PRTFDC1: variants seen among roughly 807,000 people sequenced by gnomAD.
PRTFDC1 encodes phosphoribosyltransferase domain-containing protein 1.
A neutral mutation model predicts 34.6 loss-of-function variants in PRTFDC1; 38 were observed. That is an observed-to-expected ratio of 1.10 (90% CI 0.85 to 1.44). The LOEUF is 1.44. PRTFDC1 is among the 40% of genes most tolerant of loss of function. The probability of loss-of-function intolerance (pLI) is 0.00; values close to 1 mark genes in which losing one functional copy is unlikely to be tolerated. For synonymous variants in PRTFDC1, 93 were observed against 98.1 expected (o/e 0.95, Z 0.31); for missense variants, 270 against 283.0 (o/e 0.95, Z 0.33).
chr10:24,872,788 G>GTATATATATATATATA (rs1555045487), intron 3 of PRTFDC1, among the ~76,000 whole-genome samples: 16 of 83,216 alleles, frequency 1.9e-4, no homozygotes, highest in African/African-American at 7.2e-4. Context: ...GTGTGTGTGT[G>GTATATATATATATATA]TATATATATA....
chr10:24,950,152 G>C (rs1362294632), intron 1 of PRTFDC1, among the ~76,000 whole-genome samples: 2 of 152,056 alleles, frequency 1.3e-5, no homozygotes, highest in Non-Finnish European at 2.9e-5. Flanking sequence ...TCTCTCACTT[G>C]TTTTTTAGAC....
chr10:24,891,777 A>G (rs149509054), intron 3 of PRTFDC1, among the ~76,000 whole-genome samples: 59 of 152,300 alleles, frequency 3.9e-4, no homozygotes, highest in African/African-American at 1.3e-3. Flanking sequence ...AACAACAAAA[A>G]AGACAAAATA....
chr10:24,887,614 C>G (rs1213974879), intron 3 of PRTFDC1, among the ~76,000 whole-genome samples: 1 of 152,100 alleles, frequency 6.6e-6, no homozygotes, highest in Non-Finnish European at 1.5e-5. Flanking sequence ...TATGAATTAC[C>G]CAGTCTCGGT....
intron 1 of PRTFDC1, among the ~76,000 whole-genome samples, chr10:24,948,661 C>G (rs1231407514): frequency 2.0e-5 from 3 of 152,160 alleles, no homozygotes; most frequent in Non-Finnish European, 4.4e-5. Context: ...CCATCTTTAT[C>G]AACAGATTTC....
intron 4 of PRTFDC1, among the ~76,000 whole-genome samples, chr10:24,864,332 C>T (rs181516165): frequency 6.6e-6 from 1 of 152,322 alleles, no homozygotes; most frequent in African/African-American, 2.4e-5. Context: ...AGAAGTTCTA[C>T]TGTGGGTAAA....
intron 7 of PRTFDC1, among the ~76,000 whole-genome samples, chr10:24,854,558 C>T (rs1202249619): frequency 6.6e-6 from 1 of 152,116 alleles, no homozygotes; most frequent in Non-Finnish European, 1.5e-5. Context: ...AAGCTGAAGT[C>T]TGCCTATGCA....
chr10:24,885,095 G>C (rs936076647), intron 3 of PRTFDC1, among the ~76,000 whole-genome samples: 1 of 152,212 alleles, frequency 6.6e-6, no homozygotes, highest in Non-Finnish European at 1.5e-5. Flanking sequence ...TCAATCTCCA[G>C]GTCAAGTGAA....
chr10:24,941,833 G>A (rs1353371870), intron 2 of PRTFDC1, among the ~76,000 whole-genome samples: 1 of 151,970 alleles, frequency 6.6e-6, no homozygotes, highest in African/African-American at 2.4e-5. Context: ...GTCTCCCTTT[G>A]CACAAAAAAA....
At chr10:24,886,043 G>A (rs1204141727) in intron 3 of PRTFDC1, among the ~76,000 whole-genome samples, 9 of 152,132 alleles carry the variant, frequency 5.9e-5, no homozygotes, top group Non-Finnish European at 1.3e-4. Flanking sequence ...AAACTATCTT[G>A]TATGATACTA....
At chr10:24,937,919 A>G (rs1588623844) in intron 2 of PRTFDC1, among the ~76,000 whole-genome samples, 1 of 152,100 alleles carries the variant, frequency 6.6e-6, no homozygotes, top group African/African-American at 2.4e-5. Context: ...AATATCTGGC[A>G]TGCTCCTTAA....
chr10:24,920,950 T>C (rs2132583079), intron 3 of PRTFDC1, among the ~76,000 whole-genome samples: 1 of 152,334 alleles, frequency 6.6e-6, no homozygotes, highest in African/African-American at 2.4e-5. Context: ...TCAAAGCATC[T>C]AAAATGGTAT....
chr10:24,908,546 C>A, intron 3 of PRTFDC1: 1 of 1,612,764 alleles, frequency 6.2e-7, no homozygotes, highest in East Asian at 2.2e-5. Flanking sequence ...GATGTGGAAA[C>A]AGGGAATGAG....
intron 3 of PRTFDC1, among the ~76,000 whole-genome samples, chr10:24,896,396 G>C (rs1436594871): frequency 6.6e-6 from 1 of 152,166 alleles, no homozygotes; most frequent in African/African-American, 2.4e-5. Context: ...CCATGGAAAA[G>C]CTGTCTTCCA....
chr10:24,915,001 C>A (rs571838740), intron 3 of PRTFDC1, among the ~76,000 whole-genome samples: 1 of 152,118 alleles, frequency 6.6e-6, no homozygotes, highest in South Asian at 2.1e-4. Context: ...TGCTAACTAC[C>A]TGGGTGATGG....
At chr10:24,884,984 C>G (rs1411001735) in intron 3 of PRTFDC1, among the ~76,000 whole-genome samples, 1 of 152,132 alleles carries the variant, frequency 6.6e-6, no homozygotes, top group East Asian at 1.9e-4. Context: ...GGGTCCTGTC[C>G]CCACCTGGGG....
At chr10:24,852,921 C>T (rs756958847) in intron 7 of PRTFDC1, among the ~76,000 whole-genome samples, 1 of 151,862 alleles carries the variant, frequency 6.6e-6, no homozygotes, top group African/African-American at 2.4e-5. Flanking sequence ...TAGGGGGTTA[C>T]ATTATGGAGT....
intron 4 of PRTFDC1, among the ~76,000 whole-genome samples, chr10:24,867,315 A>G (rs1030732524): frequency 2.6e-5 from 4 of 152,068 alleles, no homozygotes; most frequent in African/African-American, 9.7e-5. Context: ...CTTCCACCCT[A>G]ACTTGGCTCC....
intron 3 of PRTFDC1, among the ~76,000 whole-genome samples, chr10:24,901,876 T>C (rs1848455474): frequency 6.6e-6 from 1 of 152,200 alleles, no homozygotes; most frequent in African/African-American, 2.4e-5. Context: ...TTCCAGAACA[T>C]GCATGAACAG....
intron 4 of PRTFDC1, among the ~76,000 whole-genome samples, chr10:24,866,954 C>T (rs552121682): frequency 4.8e-5 from 7 of 145,048 alleles, no homozygotes; most frequent in Non-Finnish European, 1.1e-4. Flanking sequence ...GGTAGTTTCT[C>T]GGGGTTCAAA....
Sources: gnomAD v4.1 joint callset for allele counts (sites outside exome capture counted in the v4.1 genomes callset) on GRCh38, gnomAD v4.1.1 for gene constraint, MANE v1.5 for transcripts, NCBI Gene and HGNC (gene_info 2026-07-23, HGNC 2026-07-21) for gene names.